The following UBE4B variants were observed in gnomAD, a reference collection of about 807,000 sequenced individuals.
The protein encoded by UBE4B is ubiquitin conjugation factor E4 B.
A neutral mutation model predicts 148.1 loss-of-function variants in UBE4B; 27 were observed. The observed-to-expected ratio is 0.18, with a 90% CI of 0.13 to 0.25. The LOEUF is 0.25. Among genes scored for constraint, UBE4B ranks in the 10% least tolerant of loss-of-function variants. The pLI is 1.00. For missense variants in UBE4B, 1,170 were observed against 1,662.4 expected (o/e 0.70, Z 5.15); for synonymous variants, 596 against 619.3 (o/e 0.96, Z 0.56).
chr1:10,043,421 CTT>C (rs35513799), intron 1 of UBE4B, among the ~76,000 whole-genome samples: 10 of 110,852 alleles, frequency 9.0e-5, no homozygotes, highest in African/African-American at 3.1e-4. Context: ...TGAGATGCTG[CTT>C]TTTTTTTTTT....
intron 21 of UBE4B, among the ~76,000 whole-genome samples, chr1:10,157,980 C>A (rs1646100923): frequency 6.6e-6 from 1 of 151,982 alleles, no homozygotes; most frequent in Non-Finnish European, 1.5e-5. Context: ...AAAATTAAAC[C>A]TAACTTTTTA....
At chr1:10,090,791 A>ATT (rs1491483174) in intron 2 of UBE4B, among the ~76,000 whole-genome samples, 2 of 108,228 alleles carry the variant, frequency 1.8e-5, no homozygotes, top group Admixed American at 9.1e-5. Flanking sequence ...AAGCCTATGC[A>ATT]TTTGTGTGTG....
chr1:10,166,849 CG>C (rs1451101192), intron 23 of UBE4B, among the ~76,000 whole-genome samples: 1 of 151,754 alleles, frequency 6.6e-6, no homozygotes, highest in Non-Finnish European at 1.5e-5. Flanking sequence ...GGCTCGAACC[CG>C]GGAGGCAGAG....
chr1:10,072,458 A>G (rs1409676284), intron 2 of UBE4B: 1 of 694,116 alleles, frequency 1.4e-6, no homozygotes, highest in Non-Finnish European at 2.6e-6. Flanking sequence ...AAACAGGTTT[A>G]GGTATTATCT....
At chr1:10,145,659 C>G (rs797014546) in intron 18 of UBE4B, 3 of 152,366 alleles carry the variant, frequency 2.0e-5, no homozygotes, top group Middle Eastern at 6.8e-3. Context: ...ATGCAGGGCC[C>G]TCCTCACCTG....
chr1:10,071,967 T>G, intron 1 of UBE4B, 61 bp from the exon 2 acceptor site: 1 of 1,473,742 alleles, frequency 6.8e-7, no homozygotes, highest in Non-Finnish European at 9.0e-7. Flanking sequence ...AATGTCATTC[T>G]CTGGCAGAAT....
At chr1:10,165,616 TC>T (rs1179465719) in intron 23 of UBE4B, among the ~76,000 whole-genome samples, 2 of 152,112 alleles carry the variant, frequency 1.3e-5, no homozygotes, top group Non-Finnish European at 2.9e-5. Flanking sequence ...CAGTCTCTTC[TC>T]CACTCACTCT....
rs1645107094 is a variant in UBE4B at position 10,106,281 on chromosome 1, T to A, written c.894T>A (p.Arg298=). ...VMGPSLASPS[R]AASQLAVPST... ...GCCCGTCTCTTGCCTCACCTTCCCGTGCAGCCAGCCAGTTGGCTGTGCCTT... is the reference window on the plus strand; with the variant it reads ...GCCCGTCTCTTGCCTCACCTTCCCGAGCAGCCAGCCAGTTGGCTGTGCCTT... The change falls in exon 7 of 28, where the codon CGT becomes CGA. Residue 298 remains arginine (R), a synonymous_variant. Coordinates refer to ENST00000343090, the MANE Select transcript of UBE4B (RefSeq NM_001105562.3). This position sits in a 1 kb window ranked among gnomAD's most constrained non-coding sequence, Gnocchi z 4.2. 2 of 1,614,182 alleles carry A rather than the reference T, an allele frequency of 1.2e-6. No individual in the cohort carries two copies. The highest frequency in any genetic ancestry group is 1.7e-6 in the Non-Finnish European group (2 of 1,180,016).
intron 9 of UBE4B, 103 bp downstream of exon 9, chr1:10,119,716 C>T (rs1010224189): frequency 1.1e-6 from 1 of 918,876 alleles, no homozygotes; most frequent in South Asian, 1.5e-5. Context: ...AGATAACTCC[C>T]TTCCTCACCT....
chr1:10,163,238 A>C (rs565785454), intron 23 of UBE4B: 1 of 152,264 alleles, frequency 6.6e-6, no homozygotes, highest in Non-Finnish European at 1.5e-5. Flanking sequence ...GCTAATTAAA[A>C]AAATTTTTTT....
intron 21 of UBE4B, among the ~76,000 whole-genome samples, chr1:10,156,976 T>C (rs1302827256): frequency 6.6e-6 from 1 of 151,938 alleles, no homozygotes; most frequent in Non-Finnish European, 1.5e-5. Flanking sequence ...GAAACCAGCC[T>C]AGGCAACATA....
At chr1:10,163,599 C>T (rs1054088479) in intron 23 of UBE4B, among the ~76,000 whole-genome samples, 1 of 151,616 alleles carries the variant, frequency 6.6e-6, no homozygotes, top group Non-Finnish European at 1.5e-5. Flanking sequence ...ACCCGGGAGG[C>T]GGAGGTTGCA....
intron 17 of UBE4B, among the ~76,000 whole-genome samples, chr1:10,142,528 G>A (rs1220715607): frequency 1.3e-5 from 2 of 150,878 alleles, no homozygotes; most frequent in African/African-American, 2.4e-5. Flanking sequence ...AAAATTAGCC[G>A]GTCATGGTAG....
At chr1:10,104,936 C>T (rs555836385) in intron 5 of UBE4B, among the ~76,000 whole-genome samples, 1 of 152,198 alleles carries the variant, frequency 6.6e-6, no homozygotes, top group Non-Finnish European at 1.5e-5. Context: ...TAAAGACCAA[C>T]AGTAAATCAA....
chr1:10,142,754 C>T (rs559711023), intron 17 of UBE4B, among the ~76,000 whole-genome samples: 15 of 152,118 alleles, frequency 9.9e-5, no homozygotes, highest in African/African-American at 3.4e-4. Flanking sequence ...AAGCTGCCTA[C>T]GTTCCTCTGC....
rs376582075 is a variant in UBE4B at position 10,072,181 on chromosome 1, A to G, written c.178A>G (p.Met60Val). The G allele has an allele frequency of 6.2e-7, 1 of 1,613,680 alleles. No individual in the cohort carries two copies. Among genetic ancestry groups the G allele is most frequent in the African/African-American group, 1.3e-5 (1 of 74,918 alleles). Residue 60 changes from methionine (M) to valine (V), a missense_variant, in exon 2 of 28, where the codon ATG (methionine) becomes GTG (valine). Physicochemically the swap from Met to Val is conservative, Grantham distance 21. Coordinates refer to ENST00000343090, the MANE Select transcript of UBE4B (RefSeq NM_001105562.3). ...GAGTCTTGGTCTCAATGTCCACAAC[A>G]TGACCCCAGCTACCTCCCCAATAGG... Reference protein sequence around the residue: ...SQSLGLNVHNMTPATSPIGAS... With the variant: ...SQSLGLNVHNVTPATSPIGAS...
At chr1:10,095,308 T>C (rs1248412856) in intron 2 of UBE4B, among the ~76,000 whole-genome samples, 153 bp from the exon 3 acceptor site, 1 of 152,224 alleles carries the variant, frequency 6.6e-6, no homozygotes. Flanking sequence ...TATTATTGTT[T>C]CCAGCTTTTT....
Position 10,071,925 on chromosome 1 carries a change from T to C in UBE4B, c.25-103T>C, listed in dbSNP as rs961815771. 10 of 1,158,816 alleles carry C rather than the reference T, an allele frequency of 8.6e-6. No individual in the cohort carries two copies. The African/African-American group carries it at 1.1e-4, about 13-fold the overall frequency. The allele number at this position is 1,158,816 out of a possible 1,614,324, so 71.8% of individuals were successfully genotyped here. On this transcript the variant is annotated intron_variant, in intron 1 of 27. Coordinates refer to ENST00000343090, the MANE Select transcript of UBE4B (RefSeq NM_001105562.3). ...GAAGAGTACTTTTGCTGAAGGCATA[T>C]TGAGTTGTTAAACTCTGGTTTGGTT... is the stretch of plus-strand genomic sequence containing the variant.
intron 7 of UBE4B, among the ~76,000 whole-genome samples, chr1:10,109,258 A>C (rs760565048): frequency 1.1e-4 from 16 of 152,090 alleles, no homozygotes; most frequent in Non-Finnish European, 2.2e-4. Flanking sequence ...ATGCATTCAG[A>C]CTTGAGCATC....
Sources: allele counts gnomAD v4.1 joint callset (sites outside exome capture counted in the v4.1 genomes callset), GRCh38; gene constraint gnomAD v4.1.1; non-coding constraint Gnocchi (gnomAD v3.1); transcripts MANE v1.5; gene names NCBI Gene and HGNC (gene_info 2026-07-23, HGNC 2026-07-21).